Variants in GABRA1 observed in about 807,000 individuals in gnomAD.
The protein encoded by GABRA1 is gamma-aminobutyric acid receptor subunit alpha-1.
GABRA1 carries 9 observed loss-of-function variants against 48.9 expected under a neutral mutation model. That is an observed-to-expected ratio of 0.18 (90% CI 0.11 to 0.32). The LOEUF (loss-of-function observed/expected upper bound fraction) is 0.32, where lower values mean the gene tolerates loss of function less well. Among genes scored for constraint, GABRA1 ranks in the 10% least tolerant of loss-of-function variants. GABRA1 has a pLI of 1.00. For missense variants in GABRA1, 285 were observed against 553.8 expected, an observed-to-expected ratio of 0.51 and a Z score of 4.87; for synonymous variants, 210 against 198.7, an observed-to-expected ratio of 1.06 and a Z score of -0.48.
intron 6 of GABRA1, among the ~76,000 whole-genome samples, chr5:161,880,222 T>G (rs889442642): frequency 1.3e-5 from 2 of 152,212 alleles, no homozygotes; most frequent in African/African-American, 4.8e-5. Flanking sequence ...AATTAAACTC[T>G]ATGACTTTTG....
intron 8 of GABRA1, among the ~76,000 whole-genome samples, chr5:161,894,181 T>C (rs962170715): frequency 6.6e-6 from 1 of 152,204 alleles, no homozygotes; most frequent in Non-Finnish European, 1.5e-5. Context: ...TTAATATTCA[T>C]GATAGCCTTC....
chr5:161,885,276 G>A (rs1239645315), intron 7 of GABRA1, among the ~76,000 whole-genome samples: 1 of 152,048 alleles, frequency 6.6e-6, no homozygotes, highest in African/African-American at 2.4e-5. Context: ...AAGAAACAGA[G>A]ACCTTTGTGT....
At chr5:161,860,771 G>A (rs184853406) in intron 3 of GABRA1, among the ~76,000 whole-genome samples, 102 of 151,524 alleles carry the variant, frequency 6.7e-4, no homozygotes, top group African/African-American at 2.4e-3. Flanking sequence ...CACCTATTAG[G>A]TATCCACAAA....
At chr5:161,865,110 T>A (rs1758002728) in intron 3 of GABRA1, among the ~76,000 whole-genome samples, 1 of 152,124 alleles carries the variant, frequency 6.6e-6, no homozygotes, top group Non-Finnish European at 1.5e-5. Context: ...TCACATGGAA[T>A]GTGAAACAGA....
chr5:161,866,709 T>C (rs1753872588), intron 4 of GABRA1, among the ~76,000 whole-genome samples: 2 of 152,148 alleles, frequency 1.3e-5, no homozygotes, highest in African/African-American at 2.4e-5. Flanking sequence ...TTCACAATTG[T>C]ATTTGCCCAA....
chr5:161,892,497 GC>G (rs1266803084), intron 8 of GABRA1, among the ~76,000 whole-genome samples: 1 of 152,198 alleles, frequency 6.6e-6, no homozygotes, highest in Non-Finnish European at 1.5e-5. Context: ...TAAGCATATA[GC>G]TAAATTAATA....
intron 8 of GABRA1, among the ~76,000 whole-genome samples, chr5:161,891,625 T>C (rs1371160472): frequency 6.6e-6 from 1 of 152,188 alleles, no homozygotes; most frequent in African/African-American, 2.4e-5. Flanking sequence ...TGAGTATTGT[T>C]TAAAGGGTAA....
In GABRA1 at chr5:161,854,180, G is replaced by C; in HGVS notation, c.97G>C (p.Asp33His). 1 of 1,603,654 alleles carries C rather than the reference G, an allele frequency of 6.2e-7. No individual in the cohort carries two copies. The highest frequency in any genetic ancestry group is 1.1e-5 in the South Asian group (1 of 90,814). Residue 33 changes from aspartate (D) to histidine (H), a missense_variant, in exon 3 of 10, where the codon GAT becomes CAT. This residue lies in a region of GABRA1 where 45 missense variants were observed against 39.9 expected (regional missense o/e 1.13). Coordinates refer to ENST00000393943, the MANE Select transcript of GABRA1 (RefSeq NM_001127644.2). ...GRSYGQPSLQ[D>H]ELKDNTTVFT... ...CAGCTATGGACAGCCGTCATTACAAGATGAACTTAAAGACAATACCACTGT... is the reference window on the plus strand; with the variant it reads ...CAGCTATGGACAGCCGTCATTACAACATGAACTTAAAGACAATACCACTGT...
At chr5:161,869,837 A>T (rs948519300) in intron 4 of GABRA1, among the ~76,000 whole-genome samples, 1 of 151,986 alleles carries the variant, frequency 6.6e-6, no homozygotes. Context: ...CCTTTGTCCA[A>T]CCTCTCTTCC....
intron 7 of GABRA1, among the ~76,000 whole-genome samples, chr5:161,888,931 T>A (rs1196930326): frequency 1.3e-5 from 2 of 152,074 alleles, no homozygotes; most frequent in African/African-American, 4.8e-5. Flanking sequence ...TATGAAGGTA[T>A]TAAATACTGA....
intron 4 of GABRA1, among the ~76,000 whole-genome samples, chr5:161,870,018 A>G (rs1754037498): frequency 6.6e-6 from 1 of 152,202 alleles, no homozygotes; most frequent in Admixed American, 6.5e-5. Context: ...AATGGGAGAC[A>G]GATAATAATT....
At chr5:161,877,015 G>C (rs543779503) in intron 6 of GABRA1, among the ~76,000 whole-genome samples, 1 of 152,162 alleles carries the variant, frequency 6.6e-6, no homozygotes, top group Non-Finnish European at 1.5e-5. Context: ...GCTCACTGCA[G>C]GCTTGACCCC....
chr5:161,873,088 A>T, intron 4 of GABRA1, 29 bp from the exon 5 acceptor site: 1 of 1,519,484 alleles, frequency 6.6e-7, no homozygotes, highest in Non-Finnish European at 9.1e-7. Context: ...AGCACAGTGA[A>T]CTCTTCGTCA....
chr5:161,849,267 T>G (rs1757345861), intron 1 of GABRA1, among the ~76,000 whole-genome samples: 1 of 152,190 alleles, frequency 6.6e-6, no homozygotes, highest in Non-Finnish European at 1.5e-5. Flanking sequence ...ATTCAGATAT[T>G]CAATCTTTTT....
chr5:161,852,328 T>A, intron 2 of GABRA1, among the ~76,000 whole-genome samples: 1 of 148,994 alleles, frequency 6.7e-6, no homozygotes, highest in East Asian at 2.0e-4. Context: ...ACACTCTATA[T>A]TTTAAGAATT....
chr5:161,870,532 A>G (rs1016093019), intron 4 of GABRA1, among the ~76,000 whole-genome samples: 1 of 151,184 alleles, frequency 6.6e-6, no homozygotes, highest in African/African-American at 2.4e-5. Context: ...GCGTTATTGC[A>G]GTCCAGCCTG....
intron 3 of GABRA1, among the ~76,000 whole-genome samples, chr5:161,862,133 T>C (rs1262334125): frequency 6.6e-6 from 1 of 151,894 alleles, no homozygotes; most frequent in Non-Finnish European, 1.5e-5. Flanking sequence ...ATTTCACTAT[T>C]CACACAGCAT....
At chr5:161,896,984 T>C in intron 9 of GABRA1, 127 bp from the exon 10 acceptor site, 1 of 792,554 alleles carries the variant, frequency 1.3e-6, no homozygotes, top group Non-Finnish European at 2.1e-6. Flanking sequence ...CAGGCATAAA[T>C]TATGTTTTTA....
At chr5:161,849,590 C>G (rs1262807073) in intron 1 of GABRA1, among the ~76,000 whole-genome samples, 1 of 152,074 alleles carries the variant, frequency 6.6e-6, no homozygotes, top group Non-Finnish European at 1.5e-5. Flanking sequence ...TTTCCCGAGA[C>G]TGCAGAAAGC....
Sources: gnomAD v4.1 joint callset for allele counts (sites outside exome capture counted in the v4.1 genomes callset) on GRCh38, gnomAD v4.1.1 for gene constraint, gnomAD v4.1.1 regional missense constraint, MANE v1.5 for transcripts, NCBI Gene and HGNC (gene_info 2026-07-23, HGNC 2026-07-21) for gene names.